The following SETD6 variants were observed in gnomAD, a reference collection of about 807,000 sequenced individuals.
SETD6 encodes the protein SET domain containing 6, protein lysine methyltransferase, also known as N-lysine methyltransferase SETD6.
A neutral mutation model predicts 52.7 loss-of-function variants in SETD6; 67 were observed. That is an observed-to-expected ratio of 1.27 (90% CI 1.04 to 1.56). The LOEUF is 1.56. Ranked by LOEUF, SETD6 falls within the 40% of genes most tolerant of loss-of-function variation. The pLI is 0.00. For missense variants in SETD6, 712 were observed against 607.5 expected, an observed-to-expected ratio of 1.17 and a Z score of -1.81; for synonymous variants, 307 against 250.2, an observed-to-expected ratio of 1.23 and a Z score of -2.14.
intron 5 of SETD6, chr16:58,517,320 T>C (rs2039200644): frequency 3.6e-6 from 1 of 277,342 alleles, no homozygotes; most frequent in Non-Finnish European, 7.2e-6. Flanking sequence ...TCTAAGACGA[T>C]CCTAGAACTG....
chr16:58,518,429 A>T lies in SETD6; in HGVS notation c.1002A>T (p.Leu334=). 6.3e-7 allele frequency: 1 copy of T among 1,583,898 alleles called. No individual in the cohort carries two copies. The highest frequency in any genetic ancestry group is 8.5e-7 in the Non-Finnish European group (1 of 1,171,852). The change falls in exon 7 of 8, where the codon CTA becomes CTT. Residue 334 remains leucine, a synonymous_variant. Coordinates refer to ENST00000219315, the MANE Select transcript of SETD6 (RefSeq NM_001160305.4). ...CAAAAACTGAAGCTGAAAGGCACCT[A>T]GTGTACGAGCGCTGGGATTTCCTAT... ...QGTKTEAERH[L]VYERWDFLCK...
chr16:58,523,651 T>G lies in SETD6; in HGVS notation c.*4622T>G, dbSNP rs1359381982. On this transcript the variant is annotated 3_prime_UTR_variant, in exon 8 of 8. Coordinates refer to ENST00000219315, the MANE Select transcript of SETD6 (RefSeq NM_001160305.4). ...TGGTTCTTGGGACCCCAAAGAGTTC[T>G]CATTTCTGTGCGTTTTATTTCAGAA... The G allele has an allele frequency of 1.2e-5, 7 of 585,268 alleles. No individual in the cohort carries two copies. Among genetic ancestry groups the G allele is most frequent in the South Asian group, 6.7e-5 (2 of 30,052 alleles). The allele number at this position is 585,268 out of a possible 1,614,324, so 36.3% of individuals were successfully genotyped here.
rs1183649015 is a variant in SETD6, at chr16:58,516,044, G to C, written c.281G>C (p.Arg94Pro). 5.3e-6 allele frequency: 8 copies of C among 1,516,514 alleles called. No homozygotes were observed. The highest frequency in any genetic ancestry group is 7.0e-6 in the Non-Finnish European group (8 of 1,143,818). The allele number at this position is 1,516,514 out of a possible 1,614,324, so 93.9% of individuals were successfully genotyped here. Residue 94 changes from arginine (R) to proline (P), a missense_variant, in exon 2 of 8, where the codon CGG (arginine) becomes CCG (proline). Coordinates refer to ENST00000219315, the MANE Select transcript of SETD6 (RefSeq NM_001160305.4). ...GGAGAGCTGTTGTTCGTGGTGCCGC[G>C]GGCCGCGCTCCTGTCGCAGCACACC... ...QAGELLFVVP[R>P]AALLSQHTCS...
In SETD6 at chr16:58,521,146, C is replaced by A; in HGVS notation, c.*2117C>A. The A allele has an allele frequency of 6.2e-7, 1 of 1,613,324 alleles. No homozygotes were observed. The highest frequency in any genetic ancestry group is 8.5e-7 in the Non-Finnish European group (1 of 1,179,624). On this transcript the variant is annotated 3_prime_UTR_variant, in exon 8 of 8. Transcript: ENST00000219315. Reference sequence around the variant, plus strand: ...AGACAGATGGTTTTCAGTCTCCAGTCTCATTCCTAGACAATTAAAAATTAC... The same window carrying A: ...AGACAGATGGTTTTCAGTCTCCAGTATCATTCCTAGACAATTAAAAATTAC...
rs1445256927 is a variant in SETD6, at chr16:58,522,586, A to T, written c.*3557A>T. ...TGTGTGTGTGTATCACAATCTCTCT[A>T]ATGCTATATGTAGTCTAGGCAATCT... On this transcript the variant is annotated 3_prime_UTR_variant, in exon 8 of 8. Coordinates refer to ENST00000219315, the MANE Select transcript of SETD6 (RefSeq NM_001160305.4). 6.6e-6 allele frequency among the ~76,000 whole-genome samples: 1 copy of T among 152,254 alleles called. No homozygotes were observed. The highest frequency in any genetic ancestry group is 1.9e-4 in the East Asian group (1 of 5,184).
In SETD6 at chr16:58,520,064, A is replaced by AAAC. The variant is rs1387691608; in HGVS notation, c.*1037_*1039dup. ...CAACACAGGGACCAATACATTTGCA[A>AAAC]AACATTCAAAATCCTTATAAAAGGG... On this transcript the variant is annotated 3_prime_UTR_variant, in exon 8 of 8. Coordinates refer to ENST00000219315, the MANE Select transcript of SETD6 (RefSeq NM_001160305.4). The AAAC allele has an allele frequency of 5.9e-5, 9 of 152,248 alleles. No homozygotes were observed. The highest frequency in any genetic ancestry group is 2.2e-4 in the African/African-American group (9 of 41,456). The allele number at this position is 152,248 out of a possible 1,614,324, so 9.4% of individuals were successfully genotyped here.
In SETD6 at chr16:58,521,465, T is replaced by C; in HGVS notation, c.*2436T>C. The stretch of plus-strand genomic sequence containing the variant: ...AGTAAAGACAGGTGGATTAATATAC[T>C]CCAAATAGCACAGGTTGGAATACCT... On this transcript the variant is annotated 3_prime_UTR_variant, in exon 8 of 8. Coordinates refer to ENST00000219315, the MANE Select transcript of SETD6 (RefSeq NM_001160305.4). The C allele has an allele frequency of 1.4e-6, 1 of 734,830 alleles. No individual in the cohort carries two copies. Among genetic ancestry groups the C allele is most frequent in the South Asian group, 1.9e-5 (1 of 53,076 alleles). The allele number at this position is 734,830 out of a possible 1,614,324, so 45.5% of individuals were successfully genotyped here.
At position 58,515,561 on chromosome 16, in the gene SETD6, A is replaced by G. The variant is rs757205753; in HGVS notation, c.24A>G (p.Pro8=). 1.3e-6 allele frequency: 2 copies of G among 1,586,502 alleles called. No individual in the cohort carries two copies. Among genetic ancestry groups the G allele is most frequent in the African/African-American group, 1.4e-5 (1 of 72,818 alleles). The part of the protein sequence containing the change: MATQAKR[P]RVAGPVDGGD... ...CCATGGCGACCCAGGCGAAGCGTCCACGGGTGAGTGGCGGGCGCGGGGTCC... is the reference window on the plus strand; with the variant it reads ...CCATGGCGACCCAGGCGAAGCGTCCGCGGGTGAGTGGCGGGCGCGGGGTCC... The change falls in exon 1 of 8, where the codon CCA becomes CCG. Residue 8 remains proline, a synonymous_variant. Transcript: ENST00000219315.
Position 58,516,072 on chromosome 16 carries a change from C to G in SETD6, c.309C>G (p.Cys103Trp). 1 of 1,451,326 alleles carries G rather than the reference C, an allele frequency of 6.9e-7. No individual in the cohort carries two copies. The highest frequency in any genetic ancestry group is 9.0e-7 in the Non-Finnish European group (1 of 1,110,426). The allele number at this position is 1,451,326 out of a possible 1,614,324, so 89.9% of individuals were successfully genotyped here. A position where few individuals can be genotyped will look rare whatever the true frequency, so the allele number is the denominator to read the frequency against. Residue 103 changes from cysteine (C) to tryptophan (W), a missense_variant, in exon 2 of 8, where the codon TGC (cysteine) becomes TGG (tryptophan). Cys to Trp is a radical substitution (Grantham distance 215, BLOSUM62 -2). Transcript: ENST00000219315. ...PRAALLSQHT[C>W]SIGGLLERER... ...CCGCGCTCCTGTCGCAGCACACCTG[C>G]TCCATCGGCGGCCTGCTGGAGCGAG...
chr16:58,519,518 C>T lies in SETD6; in HGVS notation c.*489C>T, dbSNP rs1597382600. 1 of 155,026 alleles carries T rather than the reference C, an allele frequency of 6.5e-6. No homozygotes were observed. Among genetic ancestry groups the T allele is most frequent in the African/African-American group, 2.4e-5 (1 of 41,408 alleles). The allele number at this position is 155,026 out of a possible 1,614,324, so 9.6% of individuals were successfully genotyped here. A position where few individuals can be genotyped will look rare whatever the true frequency, so the allele number is the denominator to read the frequency against. On this transcript the variant is annotated 3_prime_UTR_variant, in exon 8 of 8. Transcript: ENST00000219315. ...AGGGAATAAACCCTAAGACATCACT[C>T]AAGGAGGACTTCAATTATTTAATTT... is the stretch of plus-strand genomic sequence containing the variant.
chr16:58,521,099 TC>T lies in SETD6; in HGVS notation c.*2071del. On this transcript the variant is annotated 3_prime_UTR_variant, in exon 8 of 8. Coordinates refer to ENST00000219315, the MANE Select transcript of SETD6 (RefSeq NM_001160305.4). ...AGTAGGCCTAACAATACCTTGCATC[TC>T]ATTCAGCTGACCCAACCTAGAGACA... 1 of 1,613,346 alleles carries T rather than the reference TC, an allele frequency of 6.2e-7. No homozygotes were observed. Among genetic ancestry groups the T allele is most frequent in the South Asian group, 1.1e-5 (1 of 91,070 alleles).
In SETD6 at chr16:58,519,124, T is replaced by C; in HGVS notation, c.*95T>C. ...AAAAGAGGAAAATTTGGATCTTTCT[T>C]TTGCTTACTAAACACCAAGAGGAAA... On this transcript the variant is annotated 3_prime_UTR_variant, in exon 8 of 8. Coordinates refer to ENST00000219315, the MANE Select transcript of SETD6 (RefSeq NM_001160305.4). 1 of 1,275,630 alleles carries C rather than the reference T, an allele frequency of 7.8e-7. No homozygotes were observed. Among genetic ancestry groups the C allele is most frequent in the Non-Finnish European group, 1.1e-6 (1 of 945,552 alleles). 79.0% of individuals were successfully genotyped at this position (1,275,630 alleles called of 1,614,324 possible).
chr16:58,519,166 T>C lies in SETD6; in HGVS notation c.*137T>C. The C allele has an allele frequency of 1.2e-6, 1 of 857,648 alleles. No homozygotes were observed. 53.1% of individuals were successfully genotyped at this position (857,648 alleles called of 1,614,324 possible). On this transcript the variant is annotated 3_prime_UTR_variant, in exon 8 of 8. Coordinates refer to ENST00000219315, the MANE Select transcript of SETD6 (RefSeq NM_001160305.4). ...AAGAGGAAAAGTAGCAAAGTTGGTG[T>C]GCTAGGATTAACTCAGGTAAGGGTG...
chr16:58,517,730 C>T (rs1331521468), intron 5 of SETD6: 2 of 356,056 alleles, frequency 5.6e-6, no homozygotes, highest in East Asian at 6.5e-5. Context: ...CCCACTTTGA[C>T]CTCCCTAAGT....
At position 58,516,882 on chromosome 16, in the gene SETD6, TACTAAACC is replaced by T; in HGVS notation, c.750_757del (p.Asn251SerfsTer24). The T allele has an allele frequency of 6.2e-7, 1 of 1,614,134 alleles. No individual in the cohort carries two copies. The highest frequency in any genetic ancestry group is 8.5e-7 in the Non-Finnish European group (1 of 1,180,014). On this transcript the variant is annotated frameshift_variant, in exon 5 of 8. Coordinates refer to ENST00000219315, the MANE Select transcript of SETD6 (RefSeq NM_001160305.4). LOFTEE classifies it high-confidence loss of function. Reference sequence around the variant, plus strand: ...CCCGTGATGGTGCCTGCTGCAGACATACTAAACCACTTAGCCAATCACAACGCCAATCT... The same window carrying T: ...CCCGTGATGGTGCCTGCTGCAGACATACTTAGCCAATCACAACGCCAATCT...
Position 58,516,601 on chromosome 16 carries a change from C to T in SETD6, c.600C>T (p.Pro200=), listed in dbSNP as rs781236846. 42 of 1,614,052 alleles carry T rather than the reference C, an allele frequency of 2.6e-5. No homozygotes were observed. Among genetic ancestry groups the T allele is most frequent in the Non-Finnish European group, 3.4e-5 (40 of 1,180,038 alleles). The change falls in exon 4 of 8, where the codon CCC becomes CCT. Residue 200 remains proline, a synonymous_variant. Coordinates refer to ENST00000219315, the MANE Select transcript of SETD6 (RefSeq NM_001160305.4). The part of the protein sequence containing the change: ...SIVLPFMEAH[P]DLFSLRVRSL... ...TGCTGCCCTTCATGGAAGCCCACCC[C>T]GATCTCTTCAGCCTCAGGGTTCGCT...
chr16:58,517,325 G>A (rs1214593266), intron 5 of SETD6: 2 of 274,146 alleles, frequency 7.3e-6, no homozygotes, highest in Non-Finnish European at 1.5e-5. Context: ...GACGATCCTA[G>A]AACTGATATA....
In SETD6 at chr16:58,518,931, G is replaced by T; in HGVS notation, c.1324G>T (p.Glu442Ter). 6.2e-7 allele frequency: 1 copy of T among 1,614,184 alleles called. No individual in the cohort carries two copies. The highest frequency in any genetic ancestry group is 8.5e-7 in the Non-Finnish European group (1 of 1,180,030). ...KTDQGLLSNK[E>*]VYAKLSWREQ... ...TGACCAAGGTTTACTCAGTAATAAG[G>T]AAGTCTATGCGAAACTCAGCTGGAG... Residue 442 changes from glutamate (E) to a stop codon, truncating the protein, a stop_gained, in exon 8 of 8, where the codon GAA (glutamate) becomes TAA (stop). Transcript: ENST00000219315. LOFTEE classifies it high-confidence loss of function.
At position 58,520,609 on chromosome 16, in the gene SETD6, A is replaced by C. The variant is rs2039337264; in HGVS notation, c.*1580A>C. On this transcript the variant is annotated 3_prime_UTR_variant, in exon 8 of 8. Coordinates refer to ENST00000219315, the MANE Select transcript of SETD6 (RefSeq NM_001160305.4). Reference sequence around the variant, plus strand: ...CTATGCCCTCAGACAAGTGCATGGCATCAGCTGCCTCTTCATTACAAGGTA... The same window carrying C: ...CTATGCCCTCAGACAAGTGCATGGCCTCAGCTGCCTCTTCATTACAAGGTA... 3.8e-6 allele frequency: 1 copy of C among 262,880 alleles called. No homozygotes were observed. Among genetic ancestry groups the C allele is most frequent in the Non-Finnish European group, 7.4e-6 (1 of 134,234 alleles). The allele number at this position is 262,880 out of a possible 1,614,324, so 16.3% of individuals were successfully genotyped here. A position where few individuals can be genotyped will look rare whatever the true frequency, so the allele number is the denominator to read the frequency against.
Sources: gnomAD v4.1 joint callset for allele counts (sites outside exome capture counted in the v4.1 genomes callset) on GRCh38, gnomAD v4.1.1 for gene constraint, MANE v1.5 for transcripts, NCBI Gene and HGNC (gene_info 2026-07-23, HGNC 2026-07-21) for gene names.